TMEM175: variants seen among roughly 807,000 people sequenced by gnomAD.
TMEM175 encodes the protein endosomal/lysosomal proton channel TMEM175.
Under a neutral mutation model 36.5 loss-of-function variants are expected in TMEM175, and 36 were observed. The ratio of observed to expected loss-of-function variants is 0.99; its 90% confidence interval spans 0.76 to 1.30. TMEM175 has a LOEUF of 1.30. Among genes scored for constraint, TMEM175 ranks in the 50% most tolerant of loss-of-function variants. TMEM175 has a pLI of 0.00. For missense variants in TMEM175, 705 were observed against 692.8 expected (o/e 1.02, Z -0.20); for synonymous variants, 339 against 313.4 (o/e 1.08, Z -0.86).
rs1253481328 is a variant in TMEM175 at position 955,402 on chromosome 4, C to T, written c.628-3C>T. Reference sequence around the variant, plus strand: ...CACTGACCTGCGGTTTGTCTCCCTGCAGTCTTACCTGCTGATGGTGACTGT... The same window carrying T: ...CACTGACCTGCGGTTTGTCTCCCTGTAGTCTTACCTGCTGATGGTGACTGT... On this transcript the variant is annotated splice_region_variant and splice_polypyrimidine_tract_variant and intron_variant, in intron 8 of 10. Coordinates refer to ENST00000264771, the MANE Select transcript of TMEM175 (RefSeq NM_032326.4). 3 of 1,613,826 alleles carry T rather than the reference C, an allele frequency of 1.9e-6. No homozygotes were observed. The highest frequency in any genetic ancestry group is 1.7e-6 in the Non-Finnish European group (2 of 1,179,732).
At position 947,905 on chromosome 4, in the gene TMEM175, C is replaced by A; in HGVS notation, c.153+13C>A. The A allele has an allele frequency of 6.2e-7, 1 of 1,613,836 alleles. No homozygotes were observed. Among genetic ancestry groups the A allele is most frequent in the East Asian group, 2.2e-5 (1 of 44,864 alleles). On this transcript the variant is annotated intron_variant, in intron 2 of 10. Coordinates refer to ENST00000264771, the MANE Select transcript of TMEM175 (RefSeq NM_032326.4). ...CGCCACCGTCATGGTCTGTACGGGGCCCCTGCTTAGGCCTGCCCCACCCCG... is the reference window on the plus strand; with the variant it reads ...CGCCACCGTCATGGTCTGTACGGGGACCCTGCTTAGGCCTGCCCCACCCCG...
At chr4:947,503 G>A (rs1728330057) in intron 1 of TMEM175, among the ~76,000 whole-genome samples, 3 of 152,204 alleles carry the variant, frequency 2.0e-5, no homozygotes, top group African/African-American at 4.8e-5. Context: ...AGGGCCGGGA[G>A]TGGCATCTGT....
At chr4:944,372 G>A (rs1727875394) in intron 1 of TMEM175, among the ~76,000 whole-genome samples, 1 of 152,194 alleles carries the variant, frequency 6.6e-6, no homozygotes. Context: ...TGGGGTTGGG[G>A]AAGCTTGAAC....
intron 1 of TMEM175, among the ~76,000 whole-genome samples, chr4:947,216 A>T (rs1728285143): frequency 7.1e-6 from 1 of 140,686 alleles, no homozygotes; most frequent in Non-Finnish European, 1.5e-5. Flanking sequence ...TAGAGAACAG[A>T]CAGCCCCAGG....
intron 1 of TMEM175, among the ~76,000 whole-genome samples, chr4:943,842 A>G (rs1727814043): frequency 6.6e-6 from 1 of 152,228 alleles, no homozygotes; most frequent in African/African-American, 2.4e-5. Flanking sequence ...TCAGCTGGTA[A>G]GTGGATCCAC....
chr4:947,900 C>G lies in TMEM175; in HGVS notation c.153+8C>G, dbSNP rs374371812. 1.1e-5 allele frequency: 17 copies of G among 1,613,816 alleles called. No homozygotes were observed. The highest frequency in any genetic ancestry group is 1.3e-5 in the Non-Finnish European group (15 of 1,180,002). ...ATCATCGCCACCGTCATGGTCTGTA[C>G]GGGGCCCCTGCTTAGGCCTGCCCCA... is the stretch of plus-strand genomic sequence containing the variant. On this transcript the variant is annotated splice_region_variant and intron_variant, in intron 2 of 10. Transcript: ENST00000264771.
Position 958,620 on chromosome 4 carries a change from C to T in TMEM175, c.*124C>T, listed in dbSNP as rs547497948. The T allele has an allele frequency of 1.7e-5, 13 of 767,996 alleles. No homozygotes were observed. The highest frequency in any genetic ancestry group is 3.1e-5 in the Admixed American group (1 of 31,830). 47.6% of individuals were successfully genotyped at this position (767,996 alleles called of 1,614,324 possible). ...TTCTTGCGTGGCCTGGTTTTATTTT[C>T]ATTGTGAAATATCATGCTCTTATTT... is the stretch of plus-strand genomic sequence containing the variant. On this transcript the variant is annotated 3_prime_UTR_variant, in exon 11 of 11. Coordinates refer to ENST00000264771, the MANE Select transcript of TMEM175 (RefSeq NM_032326.4).
chr4:945,334 T>C (rs1010743570), intron 1 of TMEM175, among the ~76,000 whole-genome samples: 1 of 152,052 alleles, frequency 6.6e-6, no homozygotes, highest in African/African-American at 2.4e-5. Flanking sequence ...CGTTTGTTGC[T>C]GCCTCAGCTT....
intron 7 of TMEM175, 119 bp downstream of exon 7, chr4:952,569 GTGT>G: frequency 5.1e-6 from 3 of 593,624 alleles, no homozygotes; most frequent in African/African-American, 2.0e-5. Context: ...TGCACTGTGT[GTGT>G]GTGTGTGTGT....
rs553168569 is a variant in TMEM175, at chr4:947,348, G to A, written c.-31-361G>A. Reference sequence around the variant, plus strand: ...CAGACAGCCCCAGGCACGCATGCACGGTCAAGGGCCCCGCAGGGTGCTGTG... The same window carrying A: ...CAGACAGCCCCAGGCACGCATGCACAGTCAAGGGCCCCGCAGGGTGCTGTG... On this transcript the variant is annotated intron_variant, in intron 1 of 10. Coordinates refer to ENST00000264771, the MANE Select transcript of TMEM175 (RefSeq NM_032326.4). Among the ~76,000 whole-genome samples, 12 of 152,266 alleles carry A rather than the reference G, an allele frequency of 7.9e-5. No homozygotes were observed. The East Asian group carries it at 1.7e-3, about 22-fold the overall frequency.
Position 957,974 on chromosome 4 carries a change from C to T in TMEM175, c.993C>T (p.Phe331=). 1 of 1,612,914 alleles carries T rather than the reference C, an allele frequency of 6.2e-7. No individual in the cohort carries two copies. Among genetic ancestry groups the T allele is most frequent in the Non-Finnish European group, 8.5e-7 (1 of 1,179,950 alleles). Residue 331 remains phenylalanine, a synonymous_variant, in exon 11 of 11, where the codon TTC becomes TTT. Transcript: ENST00000264771. ...GLLWFAHHSL[F]LHVRKATRAM... ...TGTGGTTCGCCCACCACTCACTCTTCCTGCATGTGCGCAAGGCCACGCGGG... is the reference window on the plus strand; with the variant it reads ...TGTGGTTCGCCCACCACTCACTCTTTCTGCATGTGCGCAAGGCCACGCGGG...
chr4:938,202 G>A (rs931466696), intron 1 of TMEM175, among the ~76,000 whole-genome samples: 4 of 152,148 alleles, frequency 2.6e-5, no homozygotes, highest in Non-Finnish European at 4.4e-5. Flanking sequence ...AACGTGATGA[G>A]GCAAGAAAAA....
chr4:957,188 C>G (rs980598056), intron 10 of TMEM175, among the ~76,000 whole-genome samples: 4 of 152,212 alleles, frequency 2.6e-5, no homozygotes, highest in South Asian at 2.1e-4. Flanking sequence ...ACCCCTCGCC[C>G]TCTGCGTATT....
Position 958,533 on chromosome 4 carries a change from G to T in TMEM175, c.*37G>T. On this transcript the variant is annotated 3_prime_UTR_variant, in exon 11 of 11. Transcript: ENST00000264771. ...CCCACTCCCAGCCGTCCTCACCAGA[G>T]ATGGACCAGGGAGGACAGGATGCTG... 6.9e-7 allele frequency: 1 copy of T among 1,447,186 alleles called. No homozygotes were observed. The highest frequency in any genetic ancestry group is 9.1e-7 in the Non-Finnish European group (1 of 1,095,362). 89.6% of individuals were successfully genotyped at this position (1,447,186 alleles called of 1,614,324 possible). A position where few individuals can be genotyped will look rare whatever the true frequency, so the allele number is the denominator to read the frequency against.
intron 6 of TMEM175, 83 bp from the exon 7 acceptor site, chr4:952,284 A>T: frequency 1.6e-6 from 2 of 1,227,240 alleles, no homozygotes; most frequent in South Asian, 1.2e-5. Context: ...TGGAGTGGGG[A>T]GGCTCACCAT....
Position 932,761 on chromosome 4 carries a change from A to T in TMEM175, c.-32+221A>T, listed in dbSNP as rs557760320. 6.6e-6 allele frequency among the ~76,000 whole-genome samples: 1 copy of T among 152,322 alleles called. No homozygotes were observed. The highest frequency in any genetic ancestry group is 2.1e-4 in the South Asian group (1 of 4,832). On this transcript the variant is annotated intron_variant, in intron 1 of 10. Coordinates refer to ENST00000264771, the MANE Select transcript of TMEM175 (RefSeq NM_032326.4). The surrounding 1 kb of genome is among the most constrained non-coding windows in gnomAD (Gnocchi z 4.0). ...AGCGTGCGTTAAGCTTTCAGTAAATACTTGGTTTTCGTCTCATGGAGGTCG... is the reference window on the plus strand; with the variant it reads ...AGCGTGCGTTAAGCTTTCAGTAAATTCTTGGTTTTCGTCTCATGGAGGTCG...
chr4:944,973 C>T (rs1727948570), intron 1 of TMEM175, among the ~76,000 whole-genome samples: 1 of 152,064 alleles, frequency 6.6e-6, no homozygotes, highest in Non-Finnish European at 1.5e-5. Context: ...CTTGGTGGTG[C>T]ACGCCTGTAG....
Position 950,468 on chromosome 4 carries a change from C to G in TMEM175, c.240C>G (p.Val80=). ...VQRLLATRIA[V]YLMTFLIVTV... ...GGCTTCTGGCAACACGGATTGCCGTCTACCTGATGACCTTTCTCATCGTGA... is the reference window on the plus strand; with the variant it reads ...GGCTTCTGGCAACACGGATTGCCGTGTACCTGATGACCTTTCTCATCGTGA... Residue 80 remains valine, a synonymous_variant, in exon 4 of 11, where the codon GTC becomes GTG. Transcript: ENST00000264771. The G allele has an allele frequency of 6.2e-7, 1 of 1,614,124 alleles. No homozygotes were observed. The highest frequency in any genetic ancestry group is 1.1e-5 in the South Asian group (1 of 91,090).
At chr4:950,608 G>A (rs1373125967) in intron 4 of TMEM175, 90 bp downstream of exon 4, 1 of 1,000,446 alleles carries the variant, frequency 1.0e-6, no homozygotes, top group African/African-American at 1.6e-5. Flanking sequence ...TGGGGTCGGG[G>A]AGGACAGCAG....
Sources: gnomAD v4.1 joint callset for allele counts (sites outside exome capture counted in the v4.1 genomes callset) on GRCh38, gnomAD v4.1.1 for gene constraint, Gnocchi (gnomAD v3.1) non-coding constraint, MANE v1.5 for transcripts, NCBI Gene and HGNC (gene_info 2026-07-23, HGNC 2026-07-21) for gene names.